The following C3orf52 variants were observed in gnomAD, a reference collection of about 807,000 sequenced individuals.
C3orf52 encodes the protein chromosome 3 open reading frame 52, also known as TPA-induced transmembrane protein.
In C3orf52, 22 loss-of-function variants were observed where a neutral mutation model predicts 24.8. That is an observed-to-expected ratio of 0.89 (90% confidence interval 0.63 to 1.27). The LOEUF (loss-of-function observed/expected upper bound fraction) is 1.27. Among genes scored for constraint, C3orf52 ranks in the 50% most tolerant of loss-of-function variants. The pLI, the probability that C3orf52 is intolerant of heterozygous loss-of-function variation, is 0.00. For missense variants in C3orf52, 265 were observed against 260.7 expected, an observed-to-expected ratio of 1.02 and a Z score of -0.11; for synonymous variants, 93 against 100.2, an observed-to-expected ratio of 0.93 and a Z score of 0.43.
intron 4 of C3orf52, among the ~76,000 whole-genome samples, chr3:112,127,801 C>T (rs1003058510): frequency 3.3e-5 from 5 of 152,166 alleles, no homozygotes; most frequent in African/African-American, 1.2e-4. Flanking sequence ...GCTTCTGAGG[C>T]TTTCCTGTTT....
chr3:112,094,001 A>T (rs1455138712), intron 2 of C3orf52, among the ~76,000 whole-genome samples: 5 of 148,302 alleles, frequency 3.4e-5, no homozygotes, highest in Admixed American at 2.0e-4. Context: ...GTATTTATTT[A>T]TTTTTTTTTT....
rs571746698 is a variant in C3orf52 at position 112,112,985 on chromosome 3, G to A, written c.489G>A (p.Thr163=). 46 of 1,607,406 alleles carry A rather than the reference G, an allele frequency of 2.9e-5. No individual in the cohort carries two copies. The highest frequency in any genetic ancestry group is 2.2e-4 in the Admixed American group (13 of 59,168). Reference sequence around the variant, plus strand: ...TCAGTGGTGAAAATGCCACAGTAACGTATGACCTGCAATTTGGGGTTCCAT... The same window carrying A: ...TCAGTGGTGAAAATGCCACAGTAACATATGACCTGCAATTTGGGGTTCCAT... ...VDFSGENATV[T]YDLQFGVPSD... The change falls in exon 5 of 6, where the codon ACG becomes ACA. Residue 163 remains threonine (T), a synonymous_variant. Transcript: ENST00000264848.
At chr3:112,119,372 T>TAACAAACAAACA, downstream of C3orf52, 1 of 681,588 alleles carries the variant, frequency 1.5e-6, no homozygotes, top group Non-Finnish European at 2.7e-6. Context: ...TGAAACTCCA[T>TAACAAACAAACA]AACAAACAAA....
intron 5 of C3orf52, among the ~76,000 whole-genome samples, chr3:112,115,735 A>C (rs2074128276): frequency 6.6e-6 from 1 of 152,226 alleles, no homozygotes; most frequent in African/African-American, 2.4e-5. Context: ...ATTGTAATTT[A>C]GATTCCTGAG....
rs533038216 is a variant in C3orf52 at position 112,089,848 on chromosome 3, G to A, written c.138+3303G>A. On this transcript the variant is annotated intron_variant, in intron 1 of 5. Coordinates refer to ENST00000264848, the MANE Select transcript of C3orf52 (RefSeq NM_024616.3). ...TATCTAAAGACGGATGTAAATATCC[G>A]GGGAATGTTCATAGGAAAGCCCTGA... 3.9e-5 allele frequency among the ~76,000 whole-genome samples: 6 copies of A among 152,246 alleles called. No homozygotes were observed. In the East Asian group the frequency reaches 5.8e-4, roughly 15 times the overall value.
rs2074368794 is a variant in C3orf52, at chr3:112,128,026, C to T, written c.*47-207C>T. On this transcript the variant is annotated intron_variant, in intron 4 of 4. Transcript: ENST00000480282. ...ACAACTGTCCACTCACCATGGAAGG[C>T]AGAAACACCCTTCAGCGATATGGTG... 1.2e-6 allele frequency: 2 copies of T among 1,613,478 alleles called. No homozygotes were observed. The highest frequency in any genetic ancestry group is 1.7e-5 in the Admixed American group (1 of 59,994).
At chr3:112,127,094 C>G (rs534059078) in intron 4 of C3orf52, 3 of 1,094,720 alleles carry the variant, frequency 2.7e-6, no homozygotes, top group Non-Finnish European at 4.1e-6. Context: ...GGAAATGACA[C>G]AAGCCTACAA....
intron 5 of C3orf52, among the ~76,000 whole-genome samples, chr3:112,114,130 C>A (rs528171617): frequency 6.6e-6 from 1 of 152,254 alleles, no homozygotes; most frequent in African/African-American, 2.4e-5. Flanking sequence ...GGGTTAAAAG[C>A]ACAAGTGTTA....
downstream of C3orf52, chr3:112,122,634 G>C (rs2074222118): frequency 6.6e-6 from 1 of 152,116 alleles, no homozygotes; most frequent in Middle Eastern, 3.4e-3. Flanking sequence ...TTTCTATTTA[G>C]CATACTGGGG....
At chr3:112,101,913 G>A (rs1201233072) in intron 2 of C3orf52, among the ~76,000 whole-genome samples, 4 of 152,136 alleles carry the variant, frequency 2.6e-5, no homozygotes, top group East Asian at 1.9e-4. Context: ...AGCTTCTGGC[G>A]CCTGGCTCCT....
chr3:112,113,697 A>G (rs987445413), intron 5 of C3orf52, among the ~76,000 whole-genome samples: 1 of 152,372 alleles, frequency 6.6e-6, no homozygotes, highest in African/African-American at 2.4e-5. Context: ...TTACTTGTCA[A>G]CTTTTAAAAT....
chr3:112,136,019 C>A, the C3orf52 span, among the ~76,000 whole-genome samples: 1 of 152,168 alleles, frequency 6.6e-6, no homozygotes, highest in East Asian at 1.9e-4. Flanking sequence ...TGTGCAGTCT[C>A]CATGCTCAAG....
chr3:112,135,745 G>C (rs2074545029), downstream of C3orf52, among the ~76,000 whole-genome samples: 1 of 151,958 alleles, frequency 6.6e-6, no homozygotes. Flanking sequence ...CACATTCTAG[G>C]GTTTCATGTT....
intron 3 of C3orf52, among the ~76,000 whole-genome samples, chr3:112,106,220 A>G (rs893321248): frequency 1.3e-5 from 2 of 151,408 alleles, no homozygotes; most frequent in African/African-American, 4.9e-5. Context: ...CCTCTGGAGG[A>G]TGGGGGTGGA....
At chr3:112,126,880 A>C in intron 4 of C3orf52, 1 of 798,526 alleles carries the variant, frequency 1.3e-6, no homozygotes, top group Non-Finnish European at 2.2e-6. Flanking sequence ...AAATGTGTAG[A>C]TATTGTAATT....
intron 4 of C3orf52, among the ~76,000 whole-genome samples, chr3:112,111,035 C>T (rs1204045993): frequency 6.6e-6 from 1 of 152,150 alleles, no homozygotes; most frequent in African/African-American, 2.4e-5. Flanking sequence ...ATGGTGAAAC[C>T]CCATGTCTAC....
At chr3:112,127,118 CTCTTT>C in intron 4 of C3orf52, 1 of 850,816 alleles carries the variant, frequency 1.2e-6, no homozygotes, top group Non-Finnish European at 1.9e-6. Context: ...TTACTTTTAA[CTCTTT>C]GTTAAAGTTA....
At chr3:112,110,554 T>C (rs1191714316) in intron 4 of C3orf52, among the ~76,000 whole-genome samples, 1 of 152,188 alleles carries the variant, frequency 6.6e-6, no homozygotes, top group Non-Finnish European at 1.5e-5. Flanking sequence ...CACCCATATG[T>C]ATTTTTTATT....
intron 1 of C3orf52, among the ~76,000 whole-genome samples, chr3:112,090,493 C>A (rs1264272505): frequency 3.3e-5 from 5 of 151,808 alleles, no homozygotes; most frequent in Non-Finnish European, 7.4e-5. Flanking sequence ...TGTGACAGAC[C>A]ATTTTATAAT....
Sources: gnomAD v4.1 joint callset for allele counts (sites outside exome capture counted in the v4.1 genomes callset) on GRCh38, gnomAD v4.1.1 for gene constraint, MANE v1.5 for transcripts, NCBI Gene and HGNC (gene_info 2026-07-23, HGNC 2026-07-21) for gene names.